Variants in CPXM2 observed in about 807,000 individuals in gnomAD.
The protein encoded by CPXM2 is carboxypeptidase X, M14 family member 2, also known as inactive carboxypeptidase-like protein X2.
A neutral mutation model predicts 86.1 loss-of-function variants in CPXM2; 66 were observed. The ratio of observed to expected loss-of-function variants is 0.77; its 90% CI spans 0.63 to 0.94. CPXM2 has a LOEUF of 0.94. CPXM2 is among the 40% of genes least tolerant of loss of function. The pLI, the probability that CPXM2 is intolerant of heterozygous loss-of-function variation, is 0.00. For synonymous variants in CPXM2, 388 were observed against 400.2 expected (o/e 0.97, Z 0.36); for missense variants, 948 against 1,026.3 (o/e 0.92, Z 1.04).
chr10:123,811,131 A>AC (rs1033760332), intron 4 of CPXM2, among the ~76,000 whole-genome samples: 1 of 102,868 alleles, frequency 9.7e-6, no homozygotes, highest in Admixed American at 1.2e-4. Context: ...TCACAAAATC[A>AC]TTTTTTTTTT....
chr10:123,789,977 G>A (rs1394274885), intron 6 of CPXM2, among the ~76,000 whole-genome samples: 1 of 152,182 alleles, frequency 6.6e-6, no homozygotes, highest in Non-Finnish European at 1.5e-5. Flanking sequence ...AATTAGCCAG[G>A]TGCTGTGGTG....
intron 4 of CPXM2, among the ~76,000 whole-genome samples, chr10:123,821,617 C>T (rs2134113260): frequency 6.6e-6 from 1 of 152,320 alleles, no homozygotes; most frequent in South Asian, 2.1e-4. Context: ...TAGGAAGGGA[C>T]ACTATGTCTG....
chr10:123,874,334 C>T (rs1042547877), intron 2 of CPXM2, among the ~76,000 whole-genome samples: 4 of 152,106 alleles, frequency 2.6e-5, no homozygotes, highest in African/African-American at 9.7e-5. Context: ...TAATCCCATT[C>T]ATGAGAATTC....
intron 13 of CPXM2, chr10:123,750,472 GC>G: frequency 3.0e-6 from 3 of 985,292 alleles, no homozygotes; most frequent in Non-Finnish European, 3.6e-6. Flanking sequence ...CTAAAGGCCA[GC>G]CTGTGTATGT....
At position 123,774,088 on chromosome 10, in the gene CPXM2, T is replaced by G. The variant is rs184309816; in HGVS notation, c.979-3049A>C. On this transcript the variant is annotated intron_variant, in intron 7 of 13. Coordinates refer to ENST00000241305, the MANE Select transcript of CPXM2 (RefSeq NM_198148.3). ...CTTTTTTGAGCCAGGCACCTGACCA[T>G]GCAGTAAGGGCCAGAGGGTTCCAGG... Among the ~76,000 whole-genome samples the G allele has an allele frequency of 3.9e-3, 589 of 152,318 alleles. 3 individuals carry two copies. Among genetic ancestry groups the G allele is most frequent in the Non-Finnish European group, 4.8e-3 (329 of 68,030 alleles).
intron 1 of CPXM2, among the ~76,000 whole-genome samples, chr10:123,889,765 C>T (rs1445545802): frequency 6.6e-6 from 1 of 152,172 alleles, no homozygotes; most frequent in Non-Finnish European, 1.5e-5. Context: ...GAGCCCTAAA[C>T]ATGGGTGTTA....
upstream of CPXM2, among the ~76,000 whole-genome samples, chr10:123,894,961 C>T (rs191918340): frequency 6.0e-4 from 91 of 152,206 alleles, no homozygotes; most frequent in African/African-American, 2.0e-3. Context: ...CCGTTAACAA[C>T]CTTGCTCCCC....
intron 1 of CPXM2, among the ~76,000 whole-genome samples, chr10:123,884,729 T>C (rs1253036391): frequency 6.6e-6 from 1 of 152,200 alleles, no homozygotes; most frequent in Non-Finnish European, 1.5e-5. Flanking sequence ...TCTCTCTCTC[T>C]TTCTCTCTCT....
intron 2 of CPXM2, among the ~76,000 whole-genome samples, chr10:123,863,411 G>A (rs1254895708): frequency 6.6e-6 from 1 of 152,168 alleles, no homozygotes; most frequent in Non-Finnish European, 1.5e-5. Flanking sequence ...GATGAACCGG[G>A]GGTCCCCGCA....
intron 1 of CPXM2, among the ~76,000 whole-genome samples, chr10:123,890,829 GC>G (rs2134249336): frequency 6.6e-6 from 1 of 152,266 alleles, no homozygotes; most frequent in African/African-American, 2.4e-5. Context: ...GTGCCATCCT[GC>G]CCCAGCCGGG....
chr10:123,848,070 A>T (rs1233317144), intron 3 of CPXM2, among the ~76,000 whole-genome samples: 4 of 152,250 alleles, frequency 2.6e-5, no homozygotes, highest in Admixed American at 6.5e-5. Flanking sequence ...TAGTTATTTT[A>T]AAATATTTTT....
chr10:123,747,921 C>CA (rs59206856), intron 13 of CPXM2, among the ~76,000 whole-genome samples: 25,906 of 71,736 alleles, frequency 0.36, 4,228 homozygotes, highest in African/African-American at 0.47. Context: ...GACTCTGTCT[C>CA]AAAAAAAAAA....
At chr10:123,882,783 C>A (rs1308679155) in intron 1 of CPXM2, among the ~76,000 whole-genome samples, 2 of 148,534 alleles carry the variant, frequency 1.3e-5, no homozygotes, top group East Asian at 2.0e-4. Context: ...CCTAGGCAAC[C>A]CCCCCCCACC....
At chr10:123,861,111 C>T (rs1187880747) in intron 3 of CPXM2, among the ~76,000 whole-genome samples, 1 of 152,164 alleles carries the variant, frequency 6.6e-6, no homozygotes, top group African/African-American at 2.4e-5. Context: ...GTTCCCAGCA[C>T]AGCAGCTGCC....
chr10:123,940,960 A>G (rs1945770400), upstream of CPXM2, among the ~76,000 whole-genome samples: 1 of 152,146 alleles, frequency 6.6e-6, no homozygotes, highest in African/African-American at 2.4e-5. Context: ...TCACGAGGTC[A>G]GGAGATCGAG....
chr10:123,751,156 G>T, intron 13 of CPXM2: 12 of 646,268 alleles, frequency 1.9e-5, no homozygotes, highest in Non-Finnish European at 2.1e-5. Context: ...CGTGTGGCTA[G>T]GGAACTGCAC....
chr10:123,916,443 C>G (rs1228478078), intron 2 of CPXM2, among the ~76,000 whole-genome samples: 1 of 152,166 alleles, frequency 6.6e-6, no homozygotes, highest in Non-Finnish European at 1.5e-5. Context: ...GCACTCCCAC[C>G]CCACCCCCAT....
At chr10:123,893,137 C>T (rs1272113620), upstream of CPXM2, among the ~76,000 whole-genome samples, 1 of 152,234 alleles carries the variant, frequency 6.6e-6, no homozygotes, top group Non-Finnish European at 1.5e-5. Flanking sequence ...CCGTAACTAT[C>T]TCTTGTTCTA....
chr10:123,867,181 A>T (rs1375108186), intron 2 of CPXM2, among the ~76,000 whole-genome samples: 1 of 152,216 alleles, frequency 6.6e-6, no homozygotes, highest in Non-Finnish European at 1.5e-5. Flanking sequence ...ACTATCCCAC[A>T]TCCCTTTATG....
Sources: gnomAD v4.1 joint callset for allele counts (sites outside exome capture counted in the v4.1 genomes callset) on GRCh38, gnomAD v4.1.1 for gene constraint, MANE v1.5 for transcripts, NCBI Gene and HGNC (gene_info 2026-07-23, HGNC 2026-07-21) for gene names.